ZNF777: variants seen among roughly 807,000 people sequenced by gnomAD.
The protein encoded by ZNF777 is zinc finger protein 777.
ZNF777 carries 7 observed loss-of-function variants against 72.1 expected under a neutral mutation model. That is an observed-to-expected ratio of 0.10 (90% CI 0.06 to 0.18). ZNF777 has a LOEUF of 0.18. Among genes scored for constraint, ZNF777 ranks in the 10% least tolerant of loss-of-function variants. The pLI, the probability that ZNF777 is intolerant of heterozygous loss-of-function variation, is 1.00. For synonymous variants in ZNF777, 545 were observed against 483.5 expected (o/e 1.13, Z -1.67); for missense variants, 828 against 1,128.6 (o/e 0.73, Z 3.82).
At position 149,432,593 on chromosome 7, in the gene ZNF777, T is replaced by C. The variant is rs1450431526; in HGVS notation, c.1679A>G (p.Asn560Ser). ...GTGGTTGCGCTGGTGGATGATGAGG[T>C]TGATCTTCAGGCGGAAGCTCTTGCC... ...ECGKSFRLKINLIIHQRNHIK... is the reference protein window; with the variant it reads ...ECGKSFRLKISLIIHQRNHIK... Residue 560 changes from asparagine to serine, a missense_variant, in exon 6 of 6, where the codon AAC becomes AGC. By Grantham distance (46) the Asn-to-Ser change is conservative. Transcript: ENST00000247930. 6 of 1,613,344 alleles carry C rather than the reference T, an allele frequency of 3.7e-6. No individual in the cohort carries two copies. Among genetic ancestry groups the C allele is most frequent in the South Asian group, 1.1e-5 (1 of 91,056 alleles).
intron 1 of ZNF777, 75 bp from the exon 2 acceptor site, chr7:149,456,112 G>A: frequency 6.8e-7 from 1 of 1,475,606 alleles, no homozygotes; most frequent in Non-Finnish European, 9.0e-7. Flanking sequence ...CCAAAGACAA[G>A]TATACACATA....
At chr7:149,444,282 C>T (rs73467582) in intron 4 of ZNF777, among the ~76,000 whole-genome samples, 50 of 152,314 alleles carry the variant, frequency 3.3e-4, no homozygotes, top group African/African-American at 9.9e-4. Context: ...GCCCAGCTTA[C>T]GACTAATTAT....
chr7:149,451,200 G>A, intron 3 of ZNF777, 88 bp from the exon 4 acceptor site: 1 of 1,191,810 alleles, frequency 8.4e-7, no homozygotes, highest in African/African-American at 1.5e-5. Flanking sequence ...CGTGATTCCA[G>A]GAGCAGCTCC....
chr7:149,454,094 C>A lies in ZNF777; in HGVS notation c.973+17G>T. On this transcript the variant is annotated intron_variant, in intron 3 of 5. Coordinates refer to ENST00000247930, the MANE Select transcript of ZNF777 (RefSeq NM_015694.3). ...TGGCGTCCAGGCAGCCCCCAGCGAG[C>A]GAAGGCTTCTCCTTACCCATGGAAA... 1.9e-6 allele frequency: 3 copies of A among 1,613,932 alleles called. No homozygotes were observed. The highest frequency in any genetic ancestry group is 1.7e-6 in the Non-Finnish European group (2 of 1,179,890).
intron 3 of ZNF777, among the ~76,000 whole-genome samples, chr7:149,453,647 T>C (rs1799767872): frequency 6.6e-6 from 1 of 152,204 alleles, no homozygotes; most frequent in East Asian, 1.9e-4. Flanking sequence ...TGTGAACACC[T>C]GTCTTAGCCT....
In ZNF777 at chr7:149,432,007, G is replaced by A. The variant is rs1331681686; in HGVS notation, c.2265C>T (p.Cys755=). ...GGTGCTTGCGGATGAAGCTCTTGCC[G>A]CACTCGGGGCAGGCGTGCGGCCGCT... ...SRERPHACPE[C]GKSFIRKHHL... Residue 755 remains cysteine, a synonymous_variant, in exon 6 of 6, where the codon TGC becomes TGT. Coordinates refer to ENST00000247930, the MANE Select transcript of ZNF777 (RefSeq NM_015694.3). 1.2e-6 allele frequency: 2 copies of A among 1,610,104 alleles called. No homozygotes were observed. Among genetic ancestry groups the A allele is most frequent in the African/African-American group, 1.3e-5 (1 of 74,908 alleles).
rs763314724 is a variant in ZNF777, at chr7:149,455,359, C to T, written c.664G>A (p.Asp222Asn). 11 of 1,614,106 alleles carry T rather than the reference C, an allele frequency of 6.8e-6. No individual in the cohort carries two copies. The highest frequency in any genetic ancestry group is 6.8e-6 in the Non-Finnish European group (8 of 1,180,054). ...AACTCCACGGCTGTCTTCTCGCAGTCGGCTATCTTCTTTTCATTTGTCCCC... is the reference window on the plus strand; with the variant it reads ...AACTCCACGGCTGTCTTCTCGCAGTTGGCTATCTTCTTTTCATTTGTCCCC... ...RTGTNEKKIADCEKTAVEFAN... is the reference protein window; with the variant it reads ...RTGTNEKKIANCEKTAVEFAN... The change falls in exon 2 of 6, where the codon GAC becomes AAC. Residue 222 changes from aspartate (D) to asparagine (N), a missense_variant. Asp to Asn is a conservative substitution (Grantham distance 23, BLOSUM62 1). This residue lies in a region of ZNF777 where 76 missense variants were observed against 157.3 expected (regional missense o/e 0.48). Transcript: ENST00000247930. This position sits in a 1 kb window ranked among gnomAD's most constrained non-coding sequence, Gnocchi z 4.2.
At chr7:149,457,669 A>T (rs1459856697) in intron 1 of ZNF777, among the ~76,000 whole-genome samples, 2 of 152,194 alleles carry the variant, frequency 1.3e-5, no homozygotes, top group Admixed American at 1.3e-4. Flanking sequence ...GATCCTATTC[A>T]CAAAAGGTTT....
chr7:149,458,667 TTGGAGGACTG>T (rs1799881330), intron 1 of ZNF777, among the ~76,000 whole-genome samples: 1 of 152,228 alleles, frequency 6.6e-6, no homozygotes, highest in South Asian at 2.1e-4. Context: ...ATTTCCGGAT[TTGGAGGACTG>T]TAGAGGGGCC....
In ZNF777 at chr7:149,436,455, C is replaced by G; in HGVS notation, c.1339+120G>C. ...GGCCGTGCTTGGTAATTCTTTCCCACCTGTTGCCCCATCAGTGTCCAGCTA... is the reference window on the plus strand; with the variant it reads ...GGCCGTGCTTGGTAATTCTTTCCCAGCTGTTGCCCCATCAGTGTCCAGCTA... On this transcript the variant is annotated intron_variant, in intron 5 of 5. Transcript: ENST00000247930. The surrounding 1 kb of genome is among the most constrained non-coding windows in gnomAD (Gnocchi z 5.0). The G allele has an allele frequency of 8.2e-7, 1 of 1,221,256 alleles. No homozygotes were observed. Among genetic ancestry groups the G allele is most frequent in the Middle Eastern group, 2.9e-4 (1 of 3,436 alleles). 75.7% of individuals were successfully genotyped at this position (1,221,256 alleles called of 1,614,324 possible). A position where few individuals can be genotyped will look rare whatever the true frequency, so the allele number is the denominator to read the frequency against.
At chr7:149,443,875 G>A (rs939923327) in intron 4 of ZNF777, among the ~76,000 whole-genome samples, 2 of 152,178 alleles carry the variant, frequency 1.3e-5, no homozygotes, top group Admixed American at 6.5e-5. Context: ...TTAGAGGCGC[G>A]AGCCACCACA....
In ZNF777 at chr7:149,431,577, G is replaced by C. The variant is rs1003721223; in HGVS notation, c.*199C>G. The C allele has an allele frequency of 3.6e-6, 2 of 554,672 alleles. No homozygotes were observed. Among genetic ancestry groups the C allele is most frequent in the Admixed American group, 5.3e-5 (2 of 37,470 alleles). 34.4% of individuals were successfully genotyped at this position (554,672 alleles called of 1,614,324 possible). A position where few individuals can be genotyped will look rare whatever the true frequency, so the allele number is the denominator to read the frequency against. On this transcript the variant is annotated 3_prime_UTR_variant, in exon 6 of 6. Transcript: ENST00000247930. The stretch of plus-strand genomic sequence containing the variant: ...CCAGGTCCGCGCCCTCCCCCCTGGG[G>C]CCCCCGGGGAAACGCGGCAGCAAGG...
Position 149,451,058 on chromosome 7 carries a change from G to C in ZNF777, c.1028C>G (p.Pro343Arg). The C allele has an allele frequency of 1.2e-6, 2 of 1,614,004 alleles. No homozygotes were observed. The highest frequency in any genetic ancestry group is 1.7e-6 in the Non-Finnish European group (2 of 1,180,034). ...AGAGTCTTCCTGCTCCTGCATGGTG[G>C]GCCGCTCCCCGCGCTCCATCTGTGA... is the stretch of plus-strand genomic sequence containing the variant. ...LMSQMERGER[P>R]TMQEQEDSEE... The change falls in exon 4 of 6, where the codon CCC becomes CGC. Residue 343 changes from proline (P) to arginine (R), a missense_variant. Pro to Arg is a moderately radical substitution (Grantham distance 103). Around this residue, in one of 12 missense-constraint regions of ZNF777, gnomAD observed 73 missense variants for 90.6 expected, o/e 0.81. Transcript: ENST00000247930.
intron 1 of ZNF777, among the ~76,000 whole-genome samples, chr7:149,457,583 T>A (rs1235061419): frequency 6.6e-6 from 1 of 152,244 alleles, no homozygotes; most frequent in Non-Finnish European, 1.5e-5. Context: ...CTACAGCTTT[T>A]TTCTTTTATT....
intron 4 of ZNF777, among the ~76,000 whole-genome samples, chr7:149,443,290 A>G (rs1248176542): frequency 6.6e-6 from 1 of 152,192 alleles, no homozygotes; most frequent in African/African-American, 2.4e-5. Context: ...CAATACTTCT[A>G]TATTGTCTGA....
intron 4 of ZNF777, among the ~76,000 whole-genome samples, chr7:149,448,577 AAC>A (rs1491504503): frequency 5.1e-5 from 3 of 58,902 alleles, no homozygotes; most frequent in African/African-American, 2.1e-4. Context: ...TTATACATAT[AAC>A]TATATATATA....
chr7:149,441,239 A>C (rs1317760602), intron 4 of ZNF777, among the ~76,000 whole-genome samples: 1 of 152,274 alleles, frequency 6.6e-6, no homozygotes, highest in Non-Finnish European at 1.5e-5. Flanking sequence ...CATTGTGGGA[A>C]TATAGTTTAT....
chr7:149,440,933 A>T (rs929167810), intron 4 of ZNF777, among the ~76,000 whole-genome samples: 3 of 151,676 alleles, frequency 2.0e-5, no homozygotes, highest in African/African-American at 7.3e-5. Flanking sequence ...GGTGTCCACC[A>T]CTCCATCAAG....
rs1459753480 is a variant in ZNF777, at chr7:149,431,683, G to C, written c.*93C>G. On this transcript the variant is annotated 3_prime_UTR_variant, in exon 6 of 6. Transcript: ENST00000247930. ...GCTCACGGCAAAGGGGCTGGGGGGC[G>C]CCCCGCCCCCGCCCGCTGGGCTCGG... is the stretch of plus-strand genomic sequence containing the variant. 2 of 1,135,404 alleles carry C rather than the reference G, an allele frequency of 1.8e-6. No individual in the cohort carries two copies. The highest frequency in any genetic ancestry group is 1.7e-5 in the African/African-American group (1 of 58,012). 70.3% of individuals were successfully genotyped at this position (1,135,404 alleles called of 1,614,324 possible).
Sources: allele counts gnomAD v4.1 joint callset (sites outside exome capture counted in the v4.1 genomes callset), GRCh38; gene constraint gnomAD v4.1.1; regional missense constraint gnomAD v4.1.1; non-coding constraint Gnocchi (gnomAD v3.1); transcripts MANE v1.5; gene names NCBI Gene and HGNC (gene_info 2026-07-23, HGNC 2026-07-21).